UBASH3B: variants seen among roughly 807,000 people sequenced by gnomAD.
The protein encoded by UBASH3B is ubiquitin associated and SH3 domain containing B.
UBASH3B carries 37 observed loss-of-function variants against 83.4 expected under a neutral mutation model. The observed-to-expected ratio is 0.44, with a 90% CI of 0.34 to 0.58. UBASH3B has a LOEUF of 0.58. UBASH3B is among the 20% of genes least tolerant of loss of function. The pLI is 0.01. For missense variants in UBASH3B, 657 were observed against 827.2 expected, an observed-to-expected ratio of 0.79 and a Z score of 2.52; for synonymous variants, 304 against 318.3, an observed-to-expected ratio of 0.96 and a Z score of 0.48.
At chr11:122,752,041 G>T (rs188675833) in intron 1 of UBASH3B, among the ~76,000 whole-genome samples, 42 of 152,250 alleles carry the variant, frequency 2.8e-4, no homozygotes, top group Non-Finnish European at 4.9e-4. Context: ...TAAACAAAAG[G>T]TATTTGAAAT....
At position 122,688,647 on chromosome 11, in the gene UBASH3B, T is replaced by TTA. The variant is rs200781905; in HGVS notation, c.161+32438_161+32439insAT. On this transcript the variant is annotated intron_variant, in intron 1 of 13. Transcript: ENST00000284273. Reference sequence around the variant, plus strand: ...TTTCTTTTATTTTATTTTATTTTATTTTATTTTATTTTTTTGAGACGGAGG... The same window carrying TTA: ...TTTCTTTTATTTTATTTTATTTTATTTATTATTTTATTTTTTTGAGACGGAGG... Among the ~76,000 whole-genome samples the TTA allele has an allele frequency of 6.5e-3, 854 of 131,590 alleles. 29 individuals are homozygous for TTA. In the East Asian group the frequency reaches 0.099, roughly 15 times the overall value. The allele number at this position is 131,590 out of a possible 152,430, so 86.3% of individuals were successfully genotyped here. A position where few individuals can be genotyped will look rare whatever the true frequency, so the allele number is the denominator to read the frequency against.
Position 122,806,552 on chromosome 11 carries a change from C to A in UBASH3B, c.1702+36C>A. ...TTATTCTGAACTCCATCTGTACATACGTGATTATTTCTCTATAATGGTTAA... is the reference window on the plus strand; with the variant it reads ...TTATTCTGAACTCCATCTGTACATAAGTGATTATTTCTCTATAATGGTTAA... On this transcript the variant is annotated intron_variant, in intron 12 of 13. Transcript: ENST00000284273. The surrounding 1 kb of genome is among the most constrained non-coding windows in gnomAD (Gnocchi z 4.0). 2 of 1,530,910 alleles carry A rather than the reference C, an allele frequency of 1.3e-6. No individual in the cohort carries two copies. Among genetic ancestry groups the A allele is most frequent in the Non-Finnish European group, 8.7e-7 (1 of 1,148,016 alleles). The allele number at this position is 1,530,910 out of a possible 1,614,324, so 94.8% of individuals were successfully genotyped here. A position where few individuals can be genotyped will look rare whatever the true frequency, so the allele number is the denominator to read the frequency against.
Position 122,783,090 on chromosome 11 carries a change from G to T in UBASH3B, c.639G>T (p.Val213=). The change falls in exon 5 of 14, where the codon GTG becomes GTT. Residue 213 remains valine, a synonymous_variant. Coordinates refer to ENST00000284273, the MANE Select transcript of UBASH3B (RefSeq NM_032873.5). ...HVEPHKKQLH[V]TLAYHFQASH... ...AACCTCATAAGAAGCAGCTACATGT[G>T]ACCCTGGCTTACCACTTCCAAGCCA... is the stretch of plus-strand genomic sequence containing the variant. The T allele has an allele frequency of 6.2e-7, 1 of 1,613,914 alleles. No individual in the cohort carries two copies. The highest frequency in any genetic ancestry group is 1.1e-5 in the South Asian group (1 of 91,058).
chr11:122,689,736 T>G (rs142897927), intron 1 of UBASH3B, among the ~76,000 whole-genome samples: 7 of 152,326 alleles, frequency 4.6e-5, no homozygotes, highest in Non-Finnish European at 8.8e-5. Context: ...CTTCTGGAAC[T>G]TCTCACTAAC....
chr11:122,659,072 TTCTG>T (rs1286522573), intron 1 of UBASH3B, among the ~76,000 whole-genome samples: 1 of 152,190 alleles, frequency 6.6e-6, no homozygotes, highest in Non-Finnish European at 1.5e-5. Flanking sequence ...TGTCTTTGTT[TTCTG>T]TCTGTGTCCA....
At chr11:122,796,380 T>A (rs1861157411) in intron 8 of UBASH3B, 104 bp downstream of exon 8, 3 of 1,518,034 alleles carry the variant, frequency 2.0e-6, no homozygotes, top group Non-Finnish European at 2.7e-6. Context: ...TAGTTTTGCG[T>A]ACTATAGAAG....
intron 1 of UBASH3B, among the ~76,000 whole-genome samples, chr11:122,738,106 G>A (rs1032539415): frequency 6.6e-6 from 1 of 152,184 alleles, no homozygotes; most frequent in African/African-American, 2.4e-5. Context: ...GCCGTTGAGA[G>A]GTCAAGAGAC....
chr11:122,705,644 G>A (rs1023859280), intron 1 of UBASH3B, among the ~76,000 whole-genome samples: 2 of 151,976 alleles, frequency 1.3e-5, no homozygotes, highest in Admixed American at 6.6e-5. Flanking sequence ...TGCCCCAGGC[G>A]CTACCGTCAC....
intron 1 of UBASH3B, among the ~76,000 whole-genome samples, chr11:122,739,545 T>A (rs1209780562): frequency 6.6e-6 from 1 of 152,202 alleles, no homozygotes; most frequent in Non-Finnish European, 1.5e-5. Context: ...GACAGCTCCA[T>A]GCTGTTGGTG....
intron 1 of UBASH3B, among the ~76,000 whole-genome samples, chr11:122,708,840 T>G (rs1201923388): frequency 6.6e-6 from 1 of 152,186 alleles, no homozygotes; most frequent in Non-Finnish European, 1.5e-5. Flanking sequence ...AATCCTTCTG[T>G]CACAGTTACT....
At chr11:122,683,394 C>A (rs1409004957) in intron 1 of UBASH3B, among the ~76,000 whole-genome samples, 4 of 151,904 alleles carry the variant, frequency 2.6e-5, no homozygotes, top group Non-Finnish European at 5.9e-5. Flanking sequence ...GCGGGCAGAT[C>A]GCTTGAGGTC....
At chr11:122,725,296 T>C (rs1488569229) in intron 1 of UBASH3B, among the ~76,000 whole-genome samples, 1 of 140,426 alleles carries the variant, frequency 7.1e-6, no homozygotes, top group Non-Finnish European at 1.5e-5. Flanking sequence ...ATAAAATCAC[T>C]CTAGTTGCTG....
chr11:122,739,171 A>T (rs4427576), intron 1 of UBASH3B, among the ~76,000 whole-genome samples: 50,827 of 151,934 alleles, frequency 0.33, 10,264 homozygotes, highest in Middle Eastern at 0.49. Flanking sequence ...TAATTTGTAA[A>T]TTTTTTGTAG....
chr11:122,725,302 T>G (rs577982148), intron 1 of UBASH3B, among the ~76,000 whole-genome samples: 33 of 137,358 alleles, frequency 2.4e-4, no homozygotes, highest in Non-Finnish European at 9.2e-5. Context: ...TCACTCTAGT[T>G]GCTGTGATGA....
intron 2 of UBASH3B, 37 bp downstream of exon 2, chr11:122,776,309 T>C: frequency 6.3e-7 from 1 of 1,576,152 alleles, no homozygotes; most frequent in Non-Finnish European, 8.6e-7. Context: ...AAATAGCATA[T>C]AATTAACTCA....
chr11:122,794,642 G>A (rs1861121324), intron 6 of UBASH3B, 60 bp from the exon 7 acceptor site: 5 of 1,608,788 alleles, frequency 3.1e-6, no homozygotes, highest in Non-Finnish European at 4.2e-6. Flanking sequence ...TTGAGCCCAG[G>A]AGGAAGTGCT....
At chr11:122,663,883 C>T (rs1863480691) in intron 1 of UBASH3B, among the ~76,000 whole-genome samples, 1 of 152,222 alleles carries the variant, frequency 6.6e-6, no homozygotes, top group Non-Finnish European at 1.5e-5. Context: ...ACAATAACAG[C>T]ACTTGTCTTG....
intron 1 of UBASH3B, among the ~76,000 whole-genome samples, chr11:122,764,330 GATGTCAC>G (rs1309278405): frequency 6.6e-6 from 1 of 152,154 alleles, no homozygotes; most frequent in African/African-American, 2.4e-5. Flanking sequence ...ACACTTTATC[GATGTCAC>G]ATCTTTCTCG....
chr11:122,682,556 GTTC>G (rs768431337), intron 1 of UBASH3B, among the ~76,000 whole-genome samples: 1 of 152,070 alleles, frequency 6.6e-6, no homozygotes, highest in Non-Finnish European at 1.5e-5. Context: ...CCTTCATTTG[GTTC>G]CTGGAGCCTG....
Sources: allele counts gnomAD v4.1 joint callset (sites outside exome capture counted in the v4.1 genomes callset), GRCh38; gene constraint gnomAD v4.1.1; non-coding constraint Gnocchi (gnomAD v3.1); transcripts MANE v1.5; gene names NCBI Gene and HGNC (gene_info 2026-07-23, HGNC 2026-07-21).